DCBLD1: variants seen among roughly 807,000 people sequenced by gnomAD.
DCBLD1 encodes discoidin, CUB and LCCL domain containing 1.
Under a neutral mutation model 71.5 loss-of-function variants are expected in DCBLD1, and 57 were observed. The ratio of observed to expected loss-of-function variants is 0.80; its 90% CI spans 0.64 to 0.99. DCBLD1 has a LOEUF of 0.99. Among genes scored for constraint, DCBLD1 ranks in the 50% least tolerant of loss-of-function variants. DCBLD1 has a pLI of 0.00. For missense variants in DCBLD1, 891 were observed against 923.5 expected (o/e 0.96, Z 0.46); for synonymous variants, 380 against 363.8 (o/e 1.04, Z -0.51).
chr6:117,544,573 A>G lies in DCBLD1; in HGVS notation c.1491A>G (p.Lys497=). 1 of 1,614,044 alleles carries G rather than the reference A, an allele frequency of 6.2e-7. No homozygotes were observed. Among genetic ancestry groups the G allele is most frequent in the Non-Finnish European group, 8.5e-7 (1 of 1,179,988 alleles). ...GSPYGSAEAQ[K]TDCWKQIKYP... is the part of the protein sequence containing the mutation. Reference sequence around the variant, plus strand: ...CGTATGGATCAGCAGAGGCTCAGAAAACAGGTTGGTTGAAAACTCTATCTA... The same window carrying G: ...CGTATGGATCAGCAGAGGCTCAGAAGACAGGTTGGTTGAAAACTCTATCTA... Residue 497 remains lysine, a synonymous_variant, in exon 13 of 15, where the codon AAA becomes AAG. Coordinates refer to ENST00000338728, the MANE Select transcript of DCBLD1 (RefSeq NM_001366458.2).
At chr6:117,509,756 C>T (rs985786621) in intron 2 of DCBLD1, among the ~76,000 whole-genome samples, 4 of 152,144 alleles carry the variant, frequency 2.6e-5, no homozygotes, top group African/African-American at 7.2e-5. Context: ...AGCAGCACAC[C>T]CTACCCTACT....
chr6:117,512,847 C>T lies in DCBLD1; in HGVS notation c.326-6969C>T, dbSNP rs117797621. 2.8e-3 allele frequency among the ~76,000 whole-genome samples: 420 copies of T among 151,740 alleles called. 10 individuals are homozygous for T. The East Asian group carries it at 0.05, about 18-fold the overall frequency. On this transcript the variant is annotated intron_variant, in intron 2 of 14. Transcript: ENST00000338728. ...GGAGTTAGGTTTTTATTTGATCTCTCAGTGGTTTTTCCCACTGACAGTATG... is the reference window on the plus strand; with the variant it reads ...GGAGTTAGGTTTTTATTTGATCTCTTAGTGGTTTTTCCCACTGACAGTATG...
At chr6:117,565,287 A>G (rs1779673467) in intron 14 of DCBLD1, among the ~76,000 whole-genome samples, 1 of 152,222 alleles carries the variant, frequency 6.6e-6, no homozygotes, top group South Asian at 2.1e-4. Context: ...TATTACAAGT[A>G]TATGAAGAAA....
intron 5 of DCBLD1, among the ~76,000 whole-genome samples, chr6:117,526,735 A>G (rs895964720): frequency 4.6e-5 from 7 of 152,234 alleles, no homozygotes; most frequent in Non-Finnish European, 1.0e-4. Context: ...ACTCTCTTCA[A>G]AGAACTCGGA....
At chr6:117,538,128 G>GTA (rs1234687893) in intron 7 of DCBLD1, among the ~76,000 whole-genome samples, 3 of 152,142 alleles carry the variant, frequency 2.0e-5, no homozygotes, top group Non-Finnish European at 4.4e-5. Flanking sequence ...CTTCACATTG[G>GTA]TATATTGGGC....
At chr6:117,485,929 A>G (rs1455944139) in intron 1 of DCBLD1, among the ~76,000 whole-genome samples, 1 of 152,250 alleles carries the variant, frequency 6.6e-6, no homozygotes, top group Non-Finnish European at 1.5e-5. Context: ...TTTTGGCTCT[A>G]GTAGATATAA....
intron 3 of DCBLD1, among the ~76,000 whole-genome samples, 192 bp downstream of exon 3, chr6:117,520,142 C>T (rs1355044415): frequency 6.6e-6 from 1 of 152,160 alleles, no homozygotes; most frequent in Non-Finnish European, 1.5e-5. Context: ...TGTGTCCAAT[C>T]TTTTGGCTTC....
At chr6:117,493,857 T>A (rs4945586) in intron 1 of DCBLD1, among the ~76,000 whole-genome samples, 91,695 of 152,042 alleles carry the variant, frequency 0.6, 29,641 homozygotes, top group African/African-American at 0.86. Flanking sequence ...AAGAAAGGGT[T>A]TTGTGGGCTT....
intron 2 of DCBLD1, 138 bp from the exon 3 acceptor site, chr6:117,519,678 A>G (rs1583000580): frequency 8.5e-7 from 1 of 1,180,366 alleles, no homozygotes; most frequent in African/African-American, 1.5e-5. Flanking sequence ...CGTCAAGCTA[A>G]ATTTCAGTTG....
At chr6:117,483,362 C>T (rs1409971121) in intron 1 of DCBLD1, among the ~76,000 whole-genome samples, 1 of 152,204 alleles carries the variant, frequency 6.6e-6, no homozygotes, top group Non-Finnish European at 1.5e-5. Flanking sequence ...TCGCTCCTCC[C>T]GCGCGGAATT....
At chr6:117,546,890 G>T (rs1234549612) in intron 14 of DCBLD1, among the ~76,000 whole-genome samples, 1 of 152,132 alleles carries the variant, frequency 6.6e-6, no homozygotes, top group Admixed American at 6.5e-5. Context: ...CGAATCCATT[G>T]TTCCTAACCC....
chr6:117,493,988 A>G (rs1364440688), intron 1 of DCBLD1, among the ~76,000 whole-genome samples: 1 of 152,150 alleles, frequency 6.6e-6, no homozygotes, highest in Admixed American at 6.5e-5. Flanking sequence ...ATATATGTGA[A>G]ATAATTTGTA....
chr6:117,538,644 A>C lies in DCBLD1; in HGVS notation c.785A>C (p.Glu262Ala). ...SNGCSRSLSFEPDGQIRASSS... is the reference protein window; with the variant it reads ...SNGCSRSLSFAPDGQIRASSS... ...GGTTGCAGCAGATCCTTGAGTTTTG[A>C]ACCTGACGGGCAAATCAGAGCTTCT... Residue 262 changes from glutamate to alanine, a missense_variant, in exon 8 of 15, where the codon GAA (glutamate) becomes GCA (alanine). Coordinates refer to ENST00000338728, the MANE Select transcript of DCBLD1 (RefSeq NM_001366458.2). 6.2e-7 allele frequency: 1 copy of C among 1,614,050 alleles called. No individual in the cohort carries two copies. Among genetic ancestry groups the C allele is most frequent in the Non-Finnish European group, 8.5e-7 (1 of 1,180,020 alleles).
intron 7 of DCBLD1, among the ~76,000 whole-genome samples, chr6:117,537,515 C>G (rs1408242796): frequency 7.0e-6 from 1 of 142,062 alleles, no homozygotes; most frequent in Admixed American, 7.3e-5. Flanking sequence ...GCCTGGGTAA[C>G]AGAGCGAGAC....
At chr6:117,551,364 CATTTATTTATTT>C (rs66551810), downstream of DCBLD1, among the ~76,000 whole-genome samples, 6 of 148,050 alleles carry the variant, frequency 4.1e-5, no homozygotes, top group Non-Finnish European at 7.5e-5. Flanking sequence ...TGAGTATTTC[CATTTATTTATTT>C]ATTTATTTAT....
At chr6:117,510,916 C>T (rs927383228) in intron 2 of DCBLD1, among the ~76,000 whole-genome samples, 10 of 152,196 alleles carry the variant, frequency 6.6e-5, no homozygotes, top group African/African-American at 2.4e-4. Flanking sequence ...TAAACCTTAG[C>T]GTTACTACCT....
chr6:117,544,679 T>A, intron 13 of DCBLD1, 102 bp downstream of exon 13: 1 of 1,259,522 alleles, frequency 7.9e-7, no homozygotes, highest in Non-Finnish European at 1.1e-6. Context: ...TTTATTTGGT[T>A]AAAAGACATA....
chr6:117,558,792 C>T (rs1464011212), intron 14 of DCBLD1, among the ~76,000 whole-genome samples: 1 of 152,168 alleles, frequency 6.6e-6, no homozygotes, highest in African/African-American at 2.4e-5. Flanking sequence ...AGTGTAGGTA[C>T]CCTCTGCCTA....
chr6:117,537,269 T>G (rs1778913808), intron 7 of DCBLD1, 44 bp downstream of exon 7: 2 of 1,594,954 alleles, frequency 1.3e-6, no homozygotes, highest in African/African-American at 1.3e-5. Context: ...TTTCGGTGGC[T>G]CACGCCTATA....
Sources: allele counts gnomAD v4.1 joint callset (sites outside exome capture counted in the v4.1 genomes callset), GRCh38; gene constraint gnomAD v4.1.1; transcripts MANE v1.5; gene names NCBI Gene and HGNC (gene_info 2026-07-23, HGNC 2026-07-21).